PCDHGB1: variants seen among roughly 807,000 people sequenced by gnomAD.
PCDHGB1 encodes the protein protocadherin gamma-B1.
In PCDHGB1, 34 loss-of-function variants were observed where a neutral mutation model predicts 56.6. The observed-to-expected ratio is 0.60, with a 90% CI of 0.46 to 0.80. PCDHGB1 has a LOEUF of 0.80. PCDHGB1 is among the 30% of genes least tolerant of loss of function. The pLI is 0.00. For missense variants in PCDHGB1, 1,278 were observed against 1,204.6 expected (o/e 1.06, Z -0.90); for synonymous variants, 561 against 505.9 (o/e 1.11, Z -1.46).
At chr5:141,496,021 G>T (rs1011612662) in intron 2 of PCDHGB1, among the ~76,000 whole-genome samples, 2 of 151,336 alleles carry the variant, frequency 1.3e-5, no homozygotes, top group African/African-American at 4.9e-5. Flanking sequence ...TTTTCTCTGA[G>T]CCTCTGTCTC....
chr5:141,492,091 C>G (rs930375969), intron 1 of PCDHGB1, among the ~76,000 whole-genome samples: 5 of 152,242 alleles, frequency 3.3e-5, no homozygotes, highest in Non-Finnish European at 5.9e-5. Flanking sequence ...CACGCTTCGC[C>G]GGTCTGTAGA....
chr5:141,427,268 A>G (rs1433017911), intron 1 of PCDHGB1: 7 of 456,648 alleles, frequency 1.5e-5, no homozygotes, highest in Non-Finnish European at 3.1e-5. Flanking sequence ...TGACCAGCGA[A>G]TGTAAAATTA....
At position 141,490,406 on chromosome 5, in the gene PCDHGB1, T is replaced by G; in HGVS notation, c.2410-4401T>G. On this transcript the variant is annotated intron_variant, in intron 1 of 3. Transcript: ENST00000523390. This position sits in a 1 kb window ranked among gnomAD's most constrained non-coding sequence, Gnocchi z 5.4. ...AGAAATGGTGAAGTGAGCCTTGATA[T>G]CTCTCCGGACCTGCCATTTCAGATT... is the stretch of plus-strand genomic sequence containing the variant. The G allele has an allele frequency of 1.9e-6, 3 of 1,614,112 alleles. No individual in the cohort carries two copies. Among genetic ancestry groups the G allele is most frequent in the Non-Finnish European group, 2.5e-6 (3 of 1,180,020 alleles).
chr5:141,352,382 G>A lies in PCDHGB1; in HGVS notation c.2122G>A (p.Ala708Thr). 1 of 1,614,026 alleles carries A rather than the reference G, an allele frequency of 6.2e-7. No individual in the cohort carries two copies. Among genetic ancestry groups the A allele is most frequent in the South Asian group, 1.1e-5 (1 of 91,084 alleles). The change falls in exon 1 of 4, where the codon GCC (alanine) becomes ACC (threonine). Residue 708 changes from alanine (A) to threonine (T), a missense_variant. By Grantham distance (58) the Ala-to-Thr change is moderately conservative. Transcript: ENST00000523390. ...LFLLAVILAI[A>T]LRLRRSSSLD... The stretch of plus-strand genomic sequence containing the variant: ...TCTCCTCGCGGTGATTCTAGCGATC[G>A]CCCTGCGCCTGCGACGTTCCTCCAG...
At chr5:141,394,100 ACCACCTCTGT>A in intron 1 of PCDHGB1, 1 of 1,613,942 alleles carries the variant, frequency 6.2e-7, no homozygotes, top group Admixed American at 1.7e-5. Context: ...ATCTAGGAAC[ACCACCTCTGT>A]CCACTGAAAC....
At chr5:141,367,147 G>T in intron 1 of PCDHGB1, 1 of 167,442 alleles carries the variant, frequency 6.0e-6, no homozygotes. Context: ...ATAATGTATA[G>T]GACTGATATT....
intron 1 of PCDHGB1, chr5:141,360,710 C>T: frequency 6.2e-7 from 1 of 1,613,894 alleles, no homozygotes; most frequent in Non-Finnish European, 8.5e-7. Flanking sequence ...CGTAAATATC[C>T]TGAGTTGATT....
At chr5:141,360,346 G>T in intron 1 of PCDHGB1, 1 of 1,613,922 alleles carries the variant, frequency 6.2e-7, no homozygotes, top group Middle Eastern at 1.6e-4. Context: ...GGTTAGCGCG[G>T]AGAAGGAATA....
intron 2 of PCDHGB1, among the ~76,000 whole-genome samples, chr5:141,501,159 C>G (rs1475164887): frequency 6.6e-6 from 1 of 152,096 alleles, no homozygotes; most frequent in East Asian, 1.9e-4. Context: ...GAGCCACCAT[C>G]CCCAGCCTCA....
intron 1 of PCDHGB1, chr5:141,367,909 A>C (rs1765390409): frequency 1.3e-5 from 2 of 150,836 alleles, no homozygotes; most frequent in Admixed American, 6.6e-5. Flanking sequence ...TTGTATTTGA[A>C]AAAAAAAGAA....
intron 1 of PCDHGB1, chr5:141,390,929 T>C (rs1296144036): frequency 1.3e-5 from 2 of 152,314 alleles, no homozygotes; most frequent in African/African-American, 4.8e-5. Context: ...ACTATGCTCA[T>C]TAGAAGATCA....
chr5:141,399,510 C>G, intron 1 of PCDHGB1: 1 of 1,614,040 alleles, frequency 6.2e-7, no homozygotes, highest in East Asian at 2.2e-5. Flanking sequence ...CCGAAAACAA[C>G]CCTCCTGGGG....
At chr5:141,379,424 G>T (rs1775590923) in intron 1 of PCDHGB1, 1 of 152,218 alleles carries the variant, frequency 6.6e-6, no homozygotes, top group East Asian at 1.9e-4. Flanking sequence ...TCATGAGTTA[G>T]ATGGGCTGTT....
intron 1 of PCDHGB1, chr5:141,364,607 G>A (rs775025025): frequency 6.2e-7 from 1 of 1,614,080 alleles, no homozygotes; most frequent in African/African-American, 1.3e-5. Context: ...GATAGACCGG[G>A]AGGAGCTCTG....
At chr5:141,376,334 C>A (rs11575955) in intron 1 of PCDHGB1, 21,352 of 1,614,178 alleles carry the variant, frequency 0.013, 167 homozygotes, top group Non-Finnish European at 0.016. Flanking sequence ...GGCTTTCCTG[C>A]AGACCTATTC....
chr5:141,467,952 C>A (rs1341210155), intron 1 of PCDHGB1, among the ~76,000 whole-genome samples: 1 of 152,186 alleles, frequency 6.6e-6, no homozygotes, highest in Non-Finnish European at 1.5e-5. Flanking sequence ...AGCCACCACA[C>A]CCGGCTGCCA....
At chr5:141,429,848 C>T (rs567448097) in intron 1 of PCDHGB1, among the ~76,000 whole-genome samples, 25 of 152,228 alleles carry the variant, frequency 1.6e-4, no homozygotes, top group African/African-American at 5.8e-4. Context: ...AAGTCTGTAA[C>T]ATTCTTTGGA....
rs778766941 is a variant in PCDHGB1, at chr5:141,357,128, T to C, written c.2409+4459T>C. 7.4e-6 allele frequency: 12 copies of C among 1,613,574 alleles called. No homozygotes were observed. The highest frequency in any genetic ancestry group is 3.3e-5 in the Admixed American group (2 of 60,028). On this transcript the variant is annotated intron_variant, in intron 1 of 3. Coordinates refer to ENST00000523390, the MANE Select transcript of PCDHGB1 (RefSeq NM_018922.3). ...AGAGACGCGCTCAAGCAGAGGCTTG[T>C]AGTGGTCGTCCAGGACCATGGCCAG... is the stretch of plus-strand genomic sequence containing the variant.
Position 141,371,934 on chromosome 5 carries a change from G to T in PCDHGB1, c.2409+19265G>T, listed in dbSNP as rs1024560538. On this transcript the variant is annotated intron_variant, in intron 1 of 3. Coordinates refer to ENST00000523390, the MANE Select transcript of PCDHGB1 (RefSeq NM_018922.3). The stretch of plus-strand genomic sequence containing the variant: ...GTCCGTGAGCGCGCGGAGCGGGGTG[G>T]TGTTCGCGCAGCGAGCCTTCGACCA... The T allele has an allele frequency of 3.1e-6, 5 of 1,613,324 alleles. No individual in the cohort carries two copies. In the Admixed American group the frequency reaches 8.3e-5, roughly 27 times the overall value.
Sources: allele counts gnomAD v4.1 joint callset (sites outside exome capture counted in the v4.1 genomes callset), GRCh38; gene constraint gnomAD v4.1.1; non-coding constraint Gnocchi (gnomAD v3.1); transcripts MANE v1.5; gene names NCBI Gene and HGNC (gene_info 2026-07-23, HGNC 2026-07-21).